Variants in LIN9 observed in about 807,000 individuals in gnomAD.
The protein encoded by LIN9 is protein lin-9 homolog.
A neutral mutation model predicts 78.0 loss-of-function variants in LIN9; 18 were observed. The observed-to-expected ratio is 0.23, with a 90% confidence interval of 0.16 to 0.34. The LOEUF (loss-of-function observed/expected upper bound fraction) is 0.34, where lower values mean the gene tolerates loss of function less well. Ranked by LOEUF, LIN9 falls within the 10% of genes least tolerant of loss-of-function variation. LIN9 has a pLI of 1.00. For synonymous variants in LIN9, 192 were observed against 215.2 expected (o/e 0.89, Z 0.94); for missense variants, 451 against 644.1 (o/e 0.70, Z 3.25).
At chr1:226,238,760 A>G (rs1165481995) in intron 12 of LIN9, among the ~76,000 whole-genome samples, 1 of 152,166 alleles carries the variant, frequency 6.6e-6, no homozygotes, top group Non-Finnish European at 1.5e-5. Flanking sequence ...CCTTATTTGT[A>G]TCTTGAACCA....
chr1:226,243,944 G>A (rs1231746884), intron 11 of LIN9, among the ~76,000 whole-genome samples: 6 of 150,766 alleles, frequency 4.0e-5, no homozygotes, highest in South Asian at 2.1e-4. Context: ...GCACAATCTC[G>A]GCTTACTGCA....
intron 6 of LIN9, among the ~76,000 whole-genome samples, chr1:226,284,719 G>A (rs1329568551): frequency 1.3e-5 from 2 of 152,128 alleles, no homozygotes; most frequent in East Asian, 3.8e-4. Context: ...GCAAGACTCT[G>A]TCTCAACAAA....
chr1:226,244,003 T>C (rs1188449152), intron 11 of LIN9, among the ~76,000 whole-genome samples: 2 of 151,066 alleles, frequency 1.3e-5, no homozygotes, highest in Non-Finnish European at 2.9e-5. Context: ...GCCTCCCGAA[T>C]AGCTGGGATT....
upstream of LIN9, chr1:226,309,295 C>T (rs1037417120): frequency 6.6e-6 from 7 of 1,062,370 alleles, no homozygotes; most frequent in African/African-American, 5.1e-5. Flanking sequence ...GGCCCGGCTC[C>T]GCCCGCGCCT....
chr1:226,290,414 C>T (rs977078376), intron 4 of LIN9, among the ~76,000 whole-genome samples: 4 of 150,924 alleles, frequency 2.7e-5, no homozygotes, highest in Non-Finnish European at 5.9e-5. Flanking sequence ...GATCTCGGCT[C>T]ACTGCAAGCT....
chr1:226,232,938 T>C (rs1225076872), intron 14 of LIN9, 158 bp downstream of exon 14: 1 of 523,000 alleles, frequency 1.9e-6, no homozygotes, highest in East Asian at 3.2e-5. Flanking sequence ...AAATTTCTAT[T>C]CTGTCCATAG....
At chr1:226,289,834 C>CGG (rs967358215) in intron 4 of LIN9, among the ~76,000 whole-genome samples, 836 of 11,878 alleles carry the variant, frequency 0.07, 47 homozygotes, top group African/African-American at 0.12. Context: ...AGTAGTCCTC[C>CGG]GGGGGGGGGG....
intron 10 of LIN9, among the ~76,000 whole-genome samples, chr1:226,254,461 G>C (rs1291107117): frequency 6.6e-6 from 1 of 152,058 alleles, no homozygotes; most frequent in Non-Finnish European, 1.5e-5. Context: ...AATAGTGGAA[G>C]TAGTATTTTA....
chr1:226,290,190 CAAT>C (rs1221031869), intron 4 of LIN9, among the ~76,000 whole-genome samples: 2 of 151,916 alleles, frequency 1.3e-5, no homozygotes, highest in Non-Finnish European at 2.9e-5. Context: ...ACTAGTAACA[CAAT>C]GACCCACAAT....
intron 11 of LIN9, among the ~76,000 whole-genome samples, chr1:226,240,173 GTGC>G: frequency 6.6e-6 from 1 of 152,288 alleles, no homozygotes; most frequent in South Asian, 2.1e-4. Flanking sequence ...TATTAATGAT[GTGC>G]TGATTACTTA....
In LIN9 at chr1:226,268,394, C is replaced by T. The variant is rs1466181741; in HGVS notation, c.683-304G>A. 2.0e-5 allele frequency among the ~76,000 whole-genome samples: 3 copies of T among 152,016 alleles called. No individual in the cohort carries two copies. In the East Asian group the frequency reaches 5.8e-4, roughly 29 times the overall value. ...CAACAAAAGAACTTTGGTCATTATA[C>T]TCATGAGTGAAGCACCAGGAGTAGT... On this transcript the variant is annotated intron_variant, in intron 7 of 14. Transcript: ENST00000681046.
At chr1:226,275,586 G>A (rs975967791) in intron 7 of LIN9, among the ~76,000 whole-genome samples, 3 of 151,538 alleles carry the variant, frequency 2.0e-5, no homozygotes, top group African/African-American at 4.9e-5. Flanking sequence ...CCAGCTACTC[G>A]GGAGGCTGAT....
intron 1 of LIN9, among the ~76,000 whole-genome samples, chr1:226,302,169 A>G (rs1662580368): frequency 6.6e-6 from 1 of 152,236 alleles, no homozygotes; most frequent in Non-Finnish European, 1.5e-5. Context: ...ATTCTGTTGC[A>G]GGTAACCCAC....
At chr1:226,275,254 T>C (rs74592344) in intron 7 of LIN9, among the ~76,000 whole-genome samples, 2,337 of 152,324 alleles carry the variant, frequency 0.015, 62 homozygotes, top group African/African-American at 0.052. Flanking sequence ...ATTCTTTTGA[T>C]TTTTTTCAAC....
Position 226,232,775 on chromosome 1 carries a change from A to G in LIN9, c.1524-169T>C. The G allele has an allele frequency of 1.4e-5, 7 of 517,978 alleles. No individual in the cohort carries two copies. In the South Asian group the frequency reaches 2.2e-4, roughly 16 times the overall value. 32.1% of individuals were successfully genotyped at this position (517,978 alleles called of 1,614,324 possible). ...ATTCTACTTCAGTAGTAGTTGAACAAATATGCTCTAAAGAAGCAAAGGAGC... is the reference window on the plus strand; with the variant it reads ...ATTCTACTTCAGTAGTAGTTGAACAGATATGCTCTAAAGAAGCAAAGGAGC... On this transcript the variant is annotated intron_variant, in intron 14 of 14. Coordinates refer to ENST00000681046, the MANE Select transcript of LIN9 (RefSeq NM_001366245.2).
chr1:226,243,695 CAAA>C (rs532381607), intron 11 of LIN9, among the ~76,000 whole-genome samples: 3 of 35,404 alleles, frequency 8.5e-5, no homozygotes, highest in Non-Finnish European at 1.8e-4. Flanking sequence ...GACTCCGTCT[CAAA>C]AAAAAAAAAA....
chr1:226,264,029 T>G (rs1293628265), intron 10 of LIN9, among the ~76,000 whole-genome samples: 1 of 151,838 alleles, frequency 6.6e-6, no homozygotes, highest in Non-Finnish European at 1.5e-5. Context: ...TGAGCCATAA[T>G]GGCACCCCTG....
At chr1:226,267,885 G>T (rs539744561) in intron 8 of LIN9, 72 bp downstream of exon 8, 21 of 1,437,438 alleles carry the variant, frequency 1.5e-5, no homozygotes, top group South Asian at 1.4e-5. Flanking sequence ...CATAAAATAC[G>T]ATTTCTAAAA....
chr1:226,235,297 G>A (rs1397936636), intron 12 of LIN9, among the ~76,000 whole-genome samples: 2 of 136,240 alleles, frequency 1.5e-5, no homozygotes, highest in Non-Finnish European at 3.1e-5. Context: ...ACTCCAGCCT[G>A]GTGGACAAGA....
Sources: gnomAD v4.1 joint callset for allele counts (sites outside exome capture counted in the v4.1 genomes callset) on GRCh38, gnomAD v4.1.1 for gene constraint, MANE v1.5 for transcripts, NCBI Gene and HGNC (gene_info 2026-07-23, HGNC 2026-07-21) for gene names.